Variants in LGR5 observed in about 807,000 individuals in gnomAD.
LGR5 encodes leucine rich repeat containing G protein-coupled receptor 5, also known as leucine-rich repeat-containing G protein-coupled receptor 5.
A neutral mutation model predicts 76.7 loss-of-function variants in LGR5; 54 were observed. That is an observed-to-expected ratio of 0.70 (90% CI 0.57 to 0.88). The LOEUF is 0.88. Among genes scored for constraint, LGR5 ranks in the 40% least tolerant of loss-of-function variants. The pLI is 0.00. For synonymous variants in LGR5, 406 were observed against 421.9 expected (o/e 0.96, Z 0.46); for missense variants, 1,078 against 1,073.3 (o/e 1.00, Z -0.06).
chr12:71,573,894 C>G (rs1452726540), intron 13 of LGR5, among the ~76,000 whole-genome samples: 1 of 133,832 alleles, frequency 7.5e-6, no homozygotes, highest in Non-Finnish European at 1.6e-5. Flanking sequence ...TTGAAATCTA[C>G]TTGTGGAGTG....
At chr12:71,499,927 A>C (rs1874516982) in intron 1 of LGR5, among the ~76,000 whole-genome samples, 1 of 152,116 alleles carries the variant, frequency 6.6e-6, no homozygotes, top group Admixed American at 6.5e-5. Context: ...GACACAGTAA[A>C]CATGGAGAGC....
intron 1 of LGR5, among the ~76,000 whole-genome samples, chr12:71,503,405 A>G (rs916151834): frequency 3.3e-5 from 5 of 152,212 alleles, no homozygotes; most frequent in African/African-American, 1.2e-4. Context: ...CAGATAATAA[A>G]ATTAATAGCA....
At chr12:71,567,692 G>T (rs1011525626) in intron 11 of LGR5, among the ~76,000 whole-genome samples, 1 of 152,140 alleles carries the variant, frequency 6.6e-6, no homozygotes, top group African/African-American at 2.4e-5. Context: ...AACGGGAATG[G>T]CTGCCTCTGT....
chr12:71,483,789 G>T (rs896751940), intron 1 of LGR5, among the ~76,000 whole-genome samples: 1 of 152,046 alleles, frequency 6.6e-6, no homozygotes, highest in Non-Finnish European at 1.5e-5. Context: ...GTGTGTGTAC[G>T]TGTATGTGAA....
intron 1 of LGR5, among the ~76,000 whole-genome samples, chr12:71,490,873 T>C (rs1874038307): frequency 6.6e-6 from 1 of 152,158 alleles, no homozygotes; most frequent in Non-Finnish European, 1.5e-5. Context: ...ATGATTACCT[T>C]CCCATAGCAA....
intron 1 of LGR5, among the ~76,000 whole-genome samples, chr12:71,492,219 G>A (rs535350897): frequency 2.0e-5 from 3 of 152,288 alleles, no homozygotes; most frequent in South Asian, 4.1e-4. Flanking sequence ...TAAGAACAAA[G>A]CAGTTTAGGT....
chr12:71,506,153 T>G (rs111470303), intron 2 of LGR5, among the ~76,000 whole-genome samples: 54 of 152,248 alleles, frequency 3.5e-4, no homozygotes, highest in African/African-American at 1.1e-3. Context: ...CATCAGAATT[T>G]TAAAAAATTA....
chr12:71,538,170 A>G (rs1390083731), intron 4 of LGR5, among the ~76,000 whole-genome samples: 1 of 152,168 alleles, frequency 6.6e-6, no homozygotes, highest in African/African-American at 2.4e-5. Context: ...TACAAATAAG[A>G]TTCTTCTGGA....
intron 8 of LGR5, among the ~76,000 whole-genome samples, chr12:71,565,671 A>T (rs1278710966): frequency 6.6e-6 from 1 of 150,770 alleles, no homozygotes; most frequent in East Asian, 1.9e-4. Flanking sequence ...TTTTTAATGA[A>T]TCAATCTTTA....
At chr12:71,477,969 C>A (rs1310841630) in intron 1 of LGR5, among the ~76,000 whole-genome samples, 1 of 152,168 alleles carries the variant, frequency 6.6e-6, no homozygotes, top group African/African-American at 2.4e-5. Context: ...CCCACCCATA[C>A]CTCAGTTACT....
chr12:71,499,772 A>G (rs1366991108), intron 1 of LGR5, among the ~76,000 whole-genome samples: 2 of 152,082 alleles, frequency 1.3e-5, no homozygotes, highest in Non-Finnish European at 2.9e-5. Flanking sequence ...TCAGCCCCTC[A>G]AGAGAGGGAG....
intron 13 of LGR5, among the ~76,000 whole-genome samples, chr12:71,575,722 A>ATATGTG (rs1555176199): frequency 0.038 from 5,517 of 144,808 alleles, 348 homozygotes; most frequent in African/African-American, 0.13. Flanking sequence ...AAAAATATAT[A>ATATGTG]TGTGTGTGTG....
intron 17 of LGR5, among the ~76,000 whole-genome samples, chr12:71,583,034 G>A: frequency 6.8e-6 from 1 of 147,726 alleles, no homozygotes; most frequent in Non-Finnish European, 1.5e-5. Flanking sequence ...AAGAGGAAGG[G>A]GAGGGGAAGA....
intron 13 of LGR5, among the ~76,000 whole-genome samples, chr12:71,573,710 A>G (rs1878720002): frequency 6.6e-6 from 1 of 152,132 alleles, no homozygotes; most frequent in African/African-American, 2.4e-5. Flanking sequence ...TTTGTACTTA[A>G]GAGACTATAC....
intron 2 of LGR5, among the ~76,000 whole-genome samples, chr12:71,519,659 CAAAAAAA>C (rs201655520): frequency 1.4e-5 from 2 of 144,152 alleles, no homozygotes; most frequent in Admixed American, 1.4e-4. Context: ...AAACAAAAAA[CAAAAAAA>C]ACCACAAAAA....
At chr12:71,559,558 A>G in intron 6 of LGR5, 28 bp from the exon 7 acceptor site, 1 of 1,284,206 alleles carries the variant, frequency 7.8e-7, no homozygotes, top group Non-Finnish European at 1.1e-6. Context: ...TAAATAAAAA[A>G]CTGAAAATAC....
intron 8 of LGR5, among the ~76,000 whole-genome samples, chr12:71,563,750 A>T (rs1878178475): frequency 6.6e-6 from 1 of 152,130 alleles, no homozygotes; most frequent in Non-Finnish European, 1.5e-5. Flanking sequence ...TCTCTCCCGA[A>T]CATATGAGAG....
intron 1 of LGR5, among the ~76,000 whole-genome samples, chr12:71,484,548 C>A (rs1420210992): frequency 6.6e-6 from 1 of 152,156 alleles, no homozygotes; most frequent in Non-Finnish European, 1.5e-5. Flanking sequence ...TGAGTGGGGT[C>A]TTTTCCTCTT....
chr12:71,584,857 C>A lies in LGR5; in HGVS notation c.*123C>A. The A allele has an allele frequency of 1.0e-6, 1 of 983,528 alleles. No individual in the cohort carries two copies. Among genetic ancestry groups the A allele is most frequent in the Non-Finnish European group, 1.5e-6 (1 of 666,908 alleles). The allele number at this position is 983,528 out of a possible 1,614,324, so 60.9% of individuals were successfully genotyped here. ...CTCGGTTTAAAAACCAAAAAAGAATCTCTCAGTTAGTAAGAAAAGGCTGAA... is the reference window on the plus strand; with the variant it reads ...CTCGGTTTAAAAACCAAAAAAGAATATCTCAGTTAGTAAGAAAAGGCTGAA... On this transcript the variant is annotated 3_prime_UTR_variant, in exon 18 of 18. Transcript: ENST00000266674.
Sources: allele counts gnomAD v4.1 joint callset (sites outside exome capture counted in the v4.1 genomes callset), GRCh38; gene constraint gnomAD v4.1.1; transcripts MANE v1.5; gene names NCBI Gene and HGNC (gene_info 2026-07-23, HGNC 2026-07-21).